PIAS1: variants seen among roughly 807,000 people sequenced by gnomAD.
PIAS1 encodes the protein E3 SUMO-protein ligase PIAS1.
PIAS1 carries 6 observed loss-of-function variants against 71.3 expected under a neutral mutation model. The observed-to-expected ratio is 0.08, with a 90% CI of 0.05 to 0.17. The LOEUF is 0.17. Among genes scored for constraint, PIAS1 ranks in the 10% least tolerant of loss-of-function variants. PIAS1 has a pLI of 1.00. For missense variants in PIAS1, 555 were observed against 793.6 expected (o/e 0.70, Z 3.61); for synonymous variants, 303 against 292.9 (o/e 1.03, Z -0.35).
intron 2 of PIAS1, among the ~76,000 whole-genome samples, chr15:68,116,601 T>C (rs1421993379): frequency 6.6e-6 from 1 of 152,116 alleles, no homozygotes; most frequent in African/African-American, 2.4e-5. Context: ...TCTTTATTAT[T>C]TTCTTTCTCC....
chr15:68,090,291 C>T (rs999528195), intron 2 of PIAS1, among the ~76,000 whole-genome samples: 5 of 151,974 alleles, frequency 3.3e-5, no homozygotes, highest in Non-Finnish European at 7.4e-5. Flanking sequence ...TGGCCTTAAC[C>T]TCCCTGGCTC....
intron 1 of PIAS1, among the ~76,000 whole-genome samples, chr15:68,064,575 C>T (rs2091996380): frequency 2.0e-5 from 3 of 152,204 alleles, no homozygotes; most frequent in Non-Finnish European, 4.4e-5. Flanking sequence ...TTTCAGATTC[C>T]TGCGTTGCAG....
intron 1 of PIAS1, among the ~76,000 whole-genome samples, chr15:68,061,966 G>C (rs978024453): frequency 5.3e-5 from 8 of 152,146 alleles, no homozygotes; most frequent in Non-Finnish European, 1.2e-4. Context: ...CTACCCTGTG[G>C]ACACAATAGG....
In PIAS1 at chr15:68,181,200, T is replaced by C; in HGVS notation, c.1482-12T>C. On this transcript the variant is annotated splice_polypyrimidine_tract_variant and intron_variant, in intron 11 of 13. Transcript: ENST00000249636. ...GGCTAATGAAAACTATGCCAATCTT[T>C]CCTTCTTCCAGCATTTTAAGTCTTC... The C allele has an allele frequency of 1.2e-6, 2 of 1,611,888 alleles. No individual in the cohort carries two copies. Among genetic ancestry groups the C allele is most frequent in the Non-Finnish European group, 1.7e-6 (2 of 1,178,708 alleles).
At chr15:68,151,323 AGCAT>A (rs1478477846) in intron 6 of PIAS1, among the ~76,000 whole-genome samples, 2 of 152,008 alleles carry the variant, frequency 1.3e-5, no homozygotes, top group African/African-American at 4.8e-5. Context: ...AACTAGAGTG[AGCAT>A]ACCTTTTCAC....
chr15:68,061,365 G>T (rs1380421524), intron 1 of PIAS1: 1 of 152,140 alleles, frequency 6.6e-6, no homozygotes, highest in Non-Finnish European at 1.5e-5. Flanking sequence ...TGCAACTCCT[G>T]TTACTTTTGA....
rs533219361 is a variant in PIAS1 at position 68,178,610 on chromosome 15, A to G, written c.1481+1956A>G. Among the ~76,000 whole-genome samples, 1 of 152,320 alleles carries G rather than the reference A, an allele frequency of 6.6e-6. No individual in the cohort carries two copies. Among genetic ancestry groups the G allele is most frequent in the East Asian group, 1.9e-4 (1 of 5,188 alleles). On this transcript the variant is annotated intron_variant, in intron 11 of 13. Coordinates refer to ENST00000249636, the MANE Select transcript of PIAS1 (RefSeq NM_016166.3). The surrounding 1 kb of genome is among the most constrained non-coding windows in gnomAD (Gnocchi z 4.2). Reference sequence around the variant, plus strand: ...AAATATCAAACCATAGTATGACCAAATACACATTGTCATGTGATTTTTTTA... The same window carrying G: ...AAATATCAAACCATAGTATGACCAAGTACACATTGTCATGTGATTTTTTTA...
intron 2 of PIAS1, among the ~76,000 whole-genome samples, chr15:68,104,741 C>T (rs957498215): frequency 2.0e-5 from 3 of 152,098 alleles, no homozygotes; most frequent in African/African-American, 7.2e-5. Flanking sequence ...TGATGGATAT[C>T]CTAGTTACCC....
intron 2 of PIAS1, among the ~76,000 whole-genome samples, chr15:68,134,936 C>A (rs1188798091): frequency 5.7e-5 from 3 of 52,976 alleles, no homozygotes; most frequent in Admixed American, 1.6e-4. Context: ...AGGCGCCCCC[C>A]ACCCCCCGGA....
At chr15:68,137,947 G>T (rs1047740974) in intron 2 of PIAS1, among the ~76,000 whole-genome samples, 2 of 152,102 alleles carry the variant, frequency 1.3e-5, no homozygotes, top group Admixed American at 6.5e-5. Context: ...TTCCAGTTCA[G>T]CCTGGGCAAC....
chr15:68,114,833 G>T (rs541597921), intron 2 of PIAS1, among the ~76,000 whole-genome samples: 22 of 151,870 alleles, frequency 1.4e-4, no homozygotes, highest in Non-Finnish European at 2.4e-4. Flanking sequence ...TATAAAAGAT[G>T]AAATTTCTAA....
intron 2 of PIAS1, among the ~76,000 whole-genome samples, chr15:68,115,799 A>G (rs937695598): frequency 6.6e-6 from 1 of 151,992 alleles, no homozygotes; most frequent in African/African-American, 2.4e-5. Context: ...AGCTGTTAAT[A>G]TGGTGTTTCT....
At chr15:68,076,666 T>C (rs1442271084) in intron 1 of PIAS1, among the ~76,000 whole-genome samples, 1 of 152,206 alleles carries the variant, frequency 6.6e-6, no homozygotes, top group African/African-American at 2.4e-5. Flanking sequence ...GACACTGTCA[T>C]ATTCCAAGTT....
At chr15:68,091,770 A>G (rs2140988061) in intron 2 of PIAS1, among the ~76,000 whole-genome samples, 1 of 152,334 alleles carries the variant, frequency 6.6e-6, no homozygotes, top group East Asian at 1.9e-4. Flanking sequence ...ATTAGCTGAC[A>G]TAACATCTAA....
At chr15:68,081,818 G>T (rs571912349) in intron 1 of PIAS1, among the ~76,000 whole-genome samples, 2 of 151,770 alleles carry the variant, frequency 1.3e-5, no homozygotes, top group Non-Finnish European at 2.9e-5. Flanking sequence ...AGACATGGAA[G>T]GAAGATTATT....
chr15:68,155,129 C>A (rs58371566), intron 7 of PIAS1, among the ~76,000 whole-genome samples: 1 of 152,194 alleles, frequency 6.6e-6, no homozygotes, highest in African/African-American at 2.4e-5. Flanking sequence ...GTTAACTCTT[C>A]TCCGCTTGTA....
chr15:68,076,346 A>G (rs1213524871), intron 1 of PIAS1, among the ~76,000 whole-genome samples: 2 of 152,042 alleles, frequency 1.3e-5, no homozygotes, highest in Non-Finnish European at 2.9e-5. Context: ...TCTTTACTAA[A>G]AATATAAAAG....
chr15:68,114,182 T>G (rs1028635726), intron 2 of PIAS1, among the ~76,000 whole-genome samples: 1 of 152,090 alleles, frequency 6.6e-6, no homozygotes, highest in African/African-American at 2.4e-5. Flanking sequence ...AGTCAATTTT[T>G]GCTGCCTTTT....
rs952875422 is a variant in PIAS1, at chr15:68,090,439, C to A, written c.469+3689C>A. Among the ~76,000 whole-genome samples the A allele has an allele frequency of 5.3e-5, 8 of 151,780 alleles. No individual in the cohort carries two copies. In the East Asian group the frequency reaches 1.6e-3, roughly 30 times the overall value. ...CCAGGCTGTCCTAACATTTAATTTACCCTTTATTAAATGTTTTTGTTTTGT... is the reference window on the plus strand; with the variant it reads ...CCAGGCTGTCCTAACATTTAATTTAACCTTTATTAAATGTTTTTGTTTTGT... On this transcript the variant is annotated intron_variant, in intron 2 of 13. Coordinates refer to ENST00000249636, the MANE Select transcript of PIAS1 (RefSeq NM_016166.3).
Sources: allele counts gnomAD v4.1 joint callset (sites outside exome capture counted in the v4.1 genomes callset), GRCh38; gene constraint gnomAD v4.1.1; non-coding constraint Gnocchi (gnomAD v3.1); transcripts MANE v1.5; gene names NCBI Gene and HGNC (gene_info 2026-07-23, HGNC 2026-07-21).